CAMTA1: variants seen among roughly 807,000 people sequenced by gnomAD.
CAMTA1 encodes calmodulin binding transcription activator 1.
In CAMTA1, 27 loss-of-function variants were observed where a neutral mutation model predicts 170.9. The ratio of observed to expected loss-of-function variants is 0.16; its 90% CI spans 0.12 to 0.22. The LOEUF is 0.22. Among genes scored for constraint, CAMTA1 ranks in the 10% least tolerant of loss-of-function variants. The pLI, the probability that CAMTA1 is intolerant of heterozygous loss-of-function variation, is 1.00. For synonymous variants in CAMTA1, 833 were observed against 891.5 expected (o/e 0.93, Z 1.17); for missense variants, 1,619 against 2,217.2 (o/e 0.73, Z 5.42).
chr1:7,690,099 G>A (rs2096294135), intron 11 of CAMTA1, among the ~76,000 whole-genome samples: 1 of 152,240 alleles, frequency 6.6e-6, no homozygotes, highest in Non-Finnish European at 1.5e-5. Context: ...GGAAGCAGAG[G>A]TTGCGGTGAG....
chr1:7,156,444 G>A (rs1270627119), intron 4 of CAMTA1, among the ~76,000 whole-genome samples: 1 of 152,202 alleles, frequency 6.6e-6, no homozygotes, highest in African/African-American at 2.4e-5. Context: ...GGCCTCTGAG[G>A]GCCAGAGAGG....
chr1:7,677,654 C>T lies in CAMTA1; in HGVS notation c.2835C>T (p.Ser945=), dbSNP rs1382864364. Reference sequence around the variant, plus strand: ...TTGCCTTCAACAACCAGATCATCTCCAACTCGGTGGTGTTTGAGTACAAAG... The same window carrying T: ...TTGCCTTCAACAACCAGATCATCTCTAACTCGGTGGTGTTTGAGTACAAAG... ...LQVAFNNQII[S]NSVVFEYKAR... is the part of the protein sequence containing the mutation. The change falls in exon 11 of 23, where the codon TCC becomes TCT. Residue 945 remains serine, a synonymous_variant. Coordinates refer to ENST00000303635, the MANE Select transcript of CAMTA1 (RefSeq NM_015215.4). 5.6e-6 allele frequency: 9 copies of T among 1,614,046 alleles called. No homozygotes were observed. Among genetic ancestry groups the T allele is most frequent in the Non-Finnish European group, 7.6e-6 (9 of 1,180,006 alleles).
chr1:7,518,503 G>A (rs960490086), intron 6 of CAMTA1, among the ~76,000 whole-genome samples: 1 of 151,974 alleles, frequency 6.6e-6, no homozygotes, highest in African/African-American at 2.4e-5. Context: ...CGGGGCAGTT[G>A]CCTGTGGGAG....
intron 4 of CAMTA1, among the ~76,000 whole-genome samples, chr1:7,220,725 T>A (rs1660600854): frequency 6.6e-6 from 1 of 152,206 alleles, no homozygotes. Context: ...AGAGCCAATC[T>A]TAGGCTGAGT....
chr1:7,310,447 A>G (rs1676286157), intron 5 of CAMTA1, among the ~76,000 whole-genome samples: 1 of 152,188 alleles, frequency 6.6e-6, no homozygotes, highest in Non-Finnish European at 1.5e-5. Context: ...GCATAACAGA[A>G]TAGTTATGGT....
chr1:7,734,018 G>A (rs2096752782), intron 12 of CAMTA1, among the ~76,000 whole-genome samples: 1 of 152,110 alleles, frequency 6.6e-6, no homozygotes, highest in Admixed American at 6.6e-5. Context: ...CACAATCTTG[G>A]CTCACTGCAG....
Position 7,534,198 on chromosome 1 carries a change from C to T in CAMTA1, c.510+66297C>T, listed in dbSNP as rs1276384384. Reference sequence around the variant, plus strand: ...TGTGTGACAAATCACTTTTTAATTGCCTGAAGGAAGAAATCCATTAGTCTT... The same window carrying T: ...TGTGTGACAAATCACTTTTTAATTGTCTGAAGGAAGAAATCCATTAGTCTT... On this transcript the variant is annotated intron_variant, in intron 6 of 22. Transcript: ENST00000303635. The surrounding 1 kb of genome is among the most constrained non-coding windows in gnomAD (Gnocchi z 5.6). 6.6e-6 allele frequency among the ~76,000 whole-genome samples: 1 copy of T among 152,156 alleles called. No homozygotes were observed. The highest frequency in any genetic ancestry group is 1.9e-4 in the East Asian group (1 of 5,182).
intron 6 of CAMTA1, among the ~76,000 whole-genome samples, chr1:7,598,633 TGG>T (rs1491569983): frequency 1.7e-4 from 25 of 151,322 alleles, no homozygotes; most frequent in Non-Finnish European, 3.0e-4. Context: ...CCATTCTAAC[TGG>T]TGTGAGATGG....
rs192411852 is a variant in CAMTA1, at chr1:6,932,807, A to C, written c.234+107597A>C. On this transcript the variant is annotated intron_variant, in intron 3 of 22. Transcript: ENST00000303635. ...ATGTATCTTCTTTAGTGAAGTGTCTATTCAAATCTTTTGTCCTTTAAAAAA... is the reference window on the plus strand; with the variant it reads ...ATGTATCTTCTTTAGTGAAGTGTCTCTTCAAATCTTTTGTCCTTTAAAAAA... Among the ~76,000 whole-genome samples the C allele has an allele frequency of 1.2e-3, 187 of 152,298 alleles. 1 individual carries two copies. The highest frequency in any genetic ancestry group is 4.2e-3 in the African/African-American group (175 of 41,554).
At chr1:6,995,299 T>C (rs1258424892) in intron 3 of CAMTA1, among the ~76,000 whole-genome samples, 21 of 104,762 alleles carry the variant, frequency 2.0e-4, no homozygotes. Context: ...TCTTTTCTTT[T>C]TTTTTTTTTT....
intron 1 of CAMTA1, among the ~76,000 whole-genome samples, chr1:6,793,762 G>A (rs1641786614): frequency 6.6e-6 from 1 of 152,134 alleles, no homozygotes; most frequent in Non-Finnish European, 1.5e-5. Context: ...AAAAGTTATT[G>A]TCTATTTTTC....
intron 5 of CAMTA1, 61 bp from the exon 6 acceptor site, chr1:7,467,769 T>TCTTC (rs953075212): frequency 5.7e-5 from 79 of 1,389,928 alleles, no homozygotes; most frequent in Admixed American, 1.7e-4. Context: ...TGTTGCGCCG[T>TCTTC]CTTCCTTCCT....
intron 5 of CAMTA1, among the ~76,000 whole-genome samples, chr1:7,417,044 G>T (rs1326943771): frequency 1.3e-5 from 2 of 152,230 alleles, no homozygotes; most frequent in East Asian, 3.8e-4. Flanking sequence ...TGTTTGCCTG[G>T]GTATCAGCAG....
intron 4 of CAMTA1, among the ~76,000 whole-genome samples, chr1:7,098,489 G>C (rs555718816): frequency 1.1e-3 from 160 of 152,332 alleles, no homozygotes; most frequent in African/African-American, 3.8e-3. Context: ...GGACTTCCTC[G>C]CAGGGTACCT....
intron 7 of CAMTA1, among the ~76,000 whole-genome samples, chr1:7,661,429 G>A (rs967714402): frequency 1.1e-4 from 16 of 152,118 alleles, no homozygotes; most frequent in Non-Finnish European, 2.1e-4. Flanking sequence ...GAGCCGCCTC[G>A]TGCACTCTGA....
intron 5 of CAMTA1, among the ~76,000 whole-genome samples, chr1:7,462,471 G>T (rs1044750672): frequency 2.0e-5 from 3 of 152,130 alleles, no homozygotes; most frequent in Non-Finnish European, 4.4e-5. Context: ...CGCCATGTTG[G>T]CCAGGCTGGT....
intron 6 of CAMTA1, among the ~76,000 whole-genome samples, chr1:7,484,205 G>T (rs181542899): frequency 6.6e-6 from 1 of 152,170 alleles, no homozygotes. Flanking sequence ...TGGCACAGAG[G>T]GGGGCCCACC....
In CAMTA1 at chr1:7,435,447, C is replaced by T. The variant is rs191885456; in HGVS notation, c.439-32383C>T. ...TGCCCTAGGCTGGGTTCTTGCTCTG[C>T]TGCTATTCCTGTTTTGAAACAGAAC... is the stretch of plus-strand genomic sequence containing the variant. On this transcript the variant is annotated intron_variant, in intron 5 of 22. Coordinates refer to ENST00000303635, the MANE Select transcript of CAMTA1 (RefSeq NM_015215.4). This position sits in a 1 kb window ranked among gnomAD's most constrained non-coding sequence, Gnocchi z 4.4. 2.0e-3 allele frequency among the ~76,000 whole-genome samples: 308 copies of T among 152,318 alleles called. No individual in the cohort carries two copies. Among genetic ancestry groups the T allele is most frequent in the African/African-American group, 6.9e-3 (286 of 41,580 alleles).
At chr1:7,647,490 G>C (rs1037988776) in intron 7 of CAMTA1, among the ~76,000 whole-genome samples, 2 of 152,186 alleles carry the variant, frequency 1.3e-5, no homozygotes, top group African/African-American at 4.8e-5. Context: ...CAGGCCACCT[G>C]GAGCTTGCAG....
Sources: gnomAD v4.1 joint callset for allele counts (sites outside exome capture counted in the v4.1 genomes callset) on GRCh38, gnomAD v4.1.1 for gene constraint, Gnocchi (gnomAD v3.1) non-coding constraint, MANE v1.5 for transcripts, NCBI Gene and HGNC (gene_info 2026-07-23, HGNC 2026-07-21) for gene names.